Variants in SIK2 observed in about 807,000 individuals in gnomAD.
SIK2 encodes the protein serine/threonine-protein kinase SIK2.
In SIK2, 29 loss-of-function variants were observed where a neutral mutation model predicts 103.2. That is an observed-to-expected ratio of 0.28 (90% CI 0.21 to 0.38). The LOEUF (loss-of-function observed/expected upper bound fraction) is 0.38. Among genes scored for constraint, SIK2 ranks in the 10% least tolerant of loss-of-function variants. SIK2 has a pLI of 1.00. For missense variants in SIK2, 879 were observed against 1,171.0 expected, an observed-to-expected ratio of 0.75 and a Z score of 3.64; for synonymous variants, 412 against 446.1, an observed-to-expected ratio of 0.92 and a Z score of 0.96.
chr11:111,626,482 T>C (rs1296364672), intron 3 of SIK2, among the ~76,000 whole-genome samples: 2 of 152,062 alleles, frequency 1.3e-5, no homozygotes, highest in Non-Finnish European at 1.5e-5. Context: ...AATGAGGTTT[T>C]GAATCCTGCC....
chr11:111,720,826 G>C, intron 11 of SIK2, 64 bp downstream of exon 11: 1 of 1,577,306 alleles, frequency 6.3e-7, no homozygotes, highest in Non-Finnish European at 8.6e-7. Context: ...TTGCCATGTT[G>C]GTGTGGTCAC....
intron 3 of SIK2, among the ~76,000 whole-genome samples, chr11:111,631,576 TGAGCTGGAATAATA>T (rs1416838262): frequency 6.6e-6 from 1 of 152,118 alleles, no homozygotes; most frequent in Non-Finnish European, 1.5e-5. Flanking sequence ...AAGGGCCTTA[TGAGCTGGAATAATA>T]GAAGAGTGGA....
intron 4 of SIK2, among the ~76,000 whole-genome samples, chr11:111,693,874 A>T (rs1382006980): frequency 6.6e-6 from 1 of 152,216 alleles, no homozygotes; most frequent in Non-Finnish European, 1.5e-5. Context: ...AGGTCAGAGT[A>T]TGGGCTGTGT....
At chr11:111,721,688 T>C (rs947605613) in intron 12 of SIK2, 142 bp from the exon 13 acceptor site, 4 of 577,280 alleles carry the variant, frequency 6.9e-6, no homozygotes, top group African/African-American at 5.6e-5. Flanking sequence ...CTCAGCCTAC[T>C]GGCTCTGTAA....
chr11:111,618,532 A>G (rs375103204), intron 2 of SIK2, among the ~76,000 whole-genome samples: 5 of 152,140 alleles, frequency 3.3e-5, no homozygotes, highest in South Asian at 2.1e-4. Context: ...AGCCCAGTGC[A>G]GTGACATGTA....
At chr11:111,654,176 C>T (rs1942362697) in intron 3 of SIK2, among the ~76,000 whole-genome samples, 1 of 152,080 alleles carries the variant, frequency 6.6e-6, no homozygotes, top group South Asian at 2.1e-4. Flanking sequence ...ATTTTTAATA[C>T]AAAATAAGTG....
intron 3 of SIK2, among the ~76,000 whole-genome samples, chr11:111,667,431 C>T (rs1942560035): frequency 6.7e-6 from 1 of 150,216 alleles, no homozygotes; most frequent in Admixed American, 6.6e-5. Flanking sequence ...TAATAGGGAT[C>T]AGTGAGAAAT....
At chr11:111,614,363 C>A (rs1789360) in intron 1 of SIK2, among the ~76,000 whole-genome samples, 90,348 of 151,876 alleles carry the variant, frequency 0.59, 30,023 homozygotes, top group East Asian at 0.96. Context: ...GGATTACAGG[C>A]ATGAGCCACA....
chr11:111,645,550 G>A (rs899565510), intron 3 of SIK2, among the ~76,000 whole-genome samples: 5 of 152,256 alleles, frequency 3.3e-5, no homozygotes, highest in African/African-American at 7.2e-5. Flanking sequence ...GCCAGGCACA[G>A]TGGCTTATGC....
At chr11:111,624,471 G>T (rs933461502) in intron 3 of SIK2, among the ~76,000 whole-genome samples, 1 of 152,154 alleles carries the variant, frequency 6.6e-6, no homozygotes. Flanking sequence ...CTTTGGGCAG[G>T]TTTCTTTCCT....
At chr11:111,706,120 G>A (rs1943339198) in intron 8 of SIK2, among the ~76,000 whole-genome samples, 1 of 152,176 alleles carries the variant, frequency 6.6e-6, no homozygotes, top group South Asian at 2.1e-4. Flanking sequence ...GGTTTCCCAA[G>A]TGTGTAATGG....
intron 4 of SIK2, among the ~76,000 whole-genome samples, chr11:111,689,937 A>G (rs1366198279): frequency 3.3e-5 from 5 of 151,930 alleles, no homozygotes; most frequent in African/African-American, 7.3e-5. Context: ...ATAAGACAAA[A>G]TGTTTTTAAG....
intron 10 of SIK2, 95 bp from the exon 11 acceptor site, chr11:111,720,383 G>A: frequency 8.0e-7 from 1 of 1,243,588 alleles, no homozygotes; most frequent in Non-Finnish European, 1.1e-6. Flanking sequence ...TAAGGACATG[G>A]TAGCTGTCAA....
intron 3 of SIK2, among the ~76,000 whole-genome samples, chr11:111,655,847 A>G (rs1198905451): frequency 6.6e-6 from 1 of 152,158 alleles, no homozygotes; most frequent in African/African-American, 2.4e-5. Flanking sequence ...GGCAGAATGC[A>G]TACCCCACAG....
intron 3 of SIK2, among the ~76,000 whole-genome samples, chr11:111,628,169 C>T (rs897181533): frequency 2.0e-5 from 3 of 152,218 alleles, no homozygotes; most frequent in African/African-American, 7.2e-5. Context: ...TAATATTATC[C>T]GTAGGTATGG....
At chr11:111,693,512 C>T (rs1170415470) in intron 4 of SIK2, among the ~76,000 whole-genome samples, 1 of 152,162 alleles carries the variant, frequency 6.6e-6, no homozygotes, top group Non-Finnish European at 1.5e-5. Flanking sequence ...GTACTATTTC[C>T]ACCTGTTTTG....
At chr11:111,641,481 A>G (rs1942182569) in intron 3 of SIK2, among the ~76,000 whole-genome samples, 1 of 152,152 alleles carries the variant, frequency 6.6e-6, no homozygotes, top group South Asian at 2.1e-4. Flanking sequence ...TTAGTTGCTT[A>G]GTCTTACAGA....
At position 111,713,342 on chromosome 11, in the gene SIK2, T is replaced by C. The variant is rs903328076; in HGVS notation, c.1266+967T>C. On this transcript the variant is annotated intron_variant, in intron 9 of 14. Transcript: ENST00000304987. ...CATAATAATGGGTAGTAGAGTGTCA[T>C]AGAAAACACAGGTCTTGGAGCGTGT... is the stretch of plus-strand genomic sequence containing the variant. 2.0e-5 allele frequency among the ~76,000 whole-genome samples: 3 copies of C among 152,212 alleles called. No homozygotes were observed. In the East Asian group the frequency reaches 5.8e-4, roughly 29 times the overall value.
Position 111,656,157 on chromosome 11 carries a change from TC to T in SIK2, c.317-31842del, listed in dbSNP as rs1385167903. 4.6e-5 allele frequency among the ~76,000 whole-genome samples: 7 copies of T among 151,996 alleles called. No individual in the cohort carries two copies. In the South Asian group the frequency reaches 1.5e-3, roughly 32 times the overall value. On this transcript the variant is annotated intron_variant, in intron 3 of 14. Coordinates refer to ENST00000304987, the MANE Select transcript of SIK2 (RefSeq NM_015191.3). ...ATGAGCCAAGATTGCGCCACTGCACTCCAGCCTGGGTGACTGAGCGATACTG... is the reference window on the plus strand; with the variant it reads ...ATGAGCCAAGATTGCGCCACTGCACTCAGCCTGGGTGACTGAGCGATACTG...
Sources: allele counts gnomAD v4.1 joint callset (sites outside exome capture counted in the v4.1 genomes callset), GRCh38; gene constraint gnomAD v4.1.1; transcripts MANE v1.5; gene names NCBI Gene and HGNC (gene_info 2026-07-23, HGNC 2026-07-21).